Variants in CAMSAP2 observed in about 807,000 individuals in gnomAD.
The protein encoded by CAMSAP2 is calmodulin regulated spectrin associated protein family member 2.
CAMSAP2 carries 26 observed loss-of-function variants against 146.1 expected under a neutral mutation model. The observed-to-expected ratio is 0.18, with a 90% CI of 0.13 to 0.25. CAMSAP2 has a LOEUF of 0.25. Among genes scored for constraint, CAMSAP2 ranks in the 10% least tolerant of loss-of-function variants. The pLI is 1.00. For synonymous variants in CAMSAP2, 499 were observed against 596.6 expected (o/e 0.84, Z 2.38); for missense variants, 1,381 against 1,759.3 (o/e 0.78, Z 3.85).
chr1:200,763,736 C>T (rs527598852), intron 2 of CAMSAP2, among the ~76,000 whole-genome samples: 6 of 152,254 alleles, frequency 3.9e-5, no homozygotes, highest in Admixed American at 1.3e-4. Flanking sequence ...CTGAAACCTG[C>T]GTGAGAAAAT....
At chr1:200,780,741 G>A (rs959227073) in intron 2 of CAMSAP2, among the ~76,000 whole-genome samples, 4 of 152,218 alleles carry the variant, frequency 2.6e-5, no homozygotes, top group Admixed American at 2.0e-4. Flanking sequence ...TGCTGTTTGA[G>A]TATCTGCCAT....
In CAMSAP2 at chr1:200,832,511, A is replaced by G. The variant is rs191849409; in HGVS notation, c.787+170A>G. ...TTTTTTTTAAAAATAAAGAACATTT[A>G]TATATAATTCTGAGGGAGGTAGTTC... On this transcript the variant is annotated intron_variant, in intron 5 of 16. Transcript: ENST00000358823. The surrounding 1 kb of genome is among the most constrained non-coding windows in gnomAD (Gnocchi z 4.2). Among the ~76,000 whole-genome samples, 32 of 152,290 alleles carry G rather than the reference A, an allele frequency of 2.1e-4. No individual in the cohort carries two copies. Among genetic ancestry groups the G allele is most frequent in the Admixed American group, 1.6e-3 (25 of 15,294 alleles).
rs1558190672 is a variant in CAMSAP2 at position 200,816,711 on chromosome 1, TATACACACGCACATATATGTGTGTAC to T, written c.645+1069_645+1094del. On this transcript the variant is annotated intron_variant, in intron 4 of 16. Coordinates refer to ENST00000358823, the MANE Select transcript of CAMSAP2 (RefSeq NM_203459.4). ...GTACATGCACACATATATGTGTATA[TATACACACGCACATATATGTGTGTAC>T]ACACACACGCGTGTATATATGTGTG... 5.6e-4 allele frequency among the ~76,000 whole-genome samples: 66 copies of T among 117,000 alleles called. 7 individuals carry two copies. The highest frequency in any genetic ancestry group is 2.0e-3 in the African/African-American group (66 of 33,294). 76.8% of individuals were successfully genotyped at this position (117,000 alleles called of 152,430 possible).
intron 2 of CAMSAP2, among the ~76,000 whole-genome samples, chr1:200,781,647 T>C (rs1055760606): frequency 2.6e-5 from 4 of 152,096 alleles, no homozygotes; most frequent in Non-Finnish European, 5.9e-5. Context: ...GCTCAGGTGA[T>C]CCTCCTACCT....
chr1:200,777,734 G>T (rs929158701), intron 2 of CAMSAP2, among the ~76,000 whole-genome samples: 1 of 152,084 alleles, frequency 6.6e-6, no homozygotes, highest in African/African-American at 2.4e-5. Flanking sequence ...TATGCTATAT[G>T]TGCATATATT....
intron 2 of CAMSAP2, among the ~76,000 whole-genome samples, chr1:200,790,919 A>G (rs1344565946): frequency 6.6e-6 from 1 of 151,866 alleles, no homozygotes; most frequent in East Asian, 1.9e-4. Flanking sequence ...ATCTTGGCTC[A>G]CTGTAACCTC....
At position 200,857,118 on chromosome 1, in the gene CAMSAP2, C is replaced by T. The variant is rs951813412; in HGVS notation, c.4013-188C>T. Among the ~76,000 whole-genome samples the T allele has an allele frequency of 2.0e-5, 3 of 152,140 alleles. No individual in the cohort carries two copies. The highest frequency in any genetic ancestry group is 4.4e-5 in the Non-Finnish European group (3 of 68,022). On this transcript the variant is annotated intron_variant, in intron 15 of 16. Coordinates refer to ENST00000358823, the MANE Select transcript of CAMSAP2 (RefSeq NM_203459.4). The surrounding 1 kb of genome is among the most constrained non-coding windows in gnomAD (Gnocchi z 4.7). ...TACTCCAAAAGGCCATAGGAACATC[C>T]TCCATATCTCTGGGTGGATAAAACA...
At chr1:200,806,765 GTATCTATCTATCTA>G (rs1336640392) in intron 2 of CAMSAP2, among the ~76,000 whole-genome samples, 23 of 140,224 alleles carry the variant, frequency 1.6e-4, no homozygotes, top group Admixed American at 5.2e-4. Context: ...GTGTGTGTGT[GTATCTATCTATCTA>G]TCTATCTATC....
chr1:200,740,732 G>A (rs1184148439), intron 1 of CAMSAP2, among the ~76,000 whole-genome samples: 1 of 152,138 alleles, frequency 6.6e-6, no homozygotes, highest in Non-Finnish European at 1.5e-5. Flanking sequence ...TAGTACAGTA[G>A]CAGTTAAACA....
At chr1:200,772,819 T>C (rs1324843299) in intron 2 of CAMSAP2, among the ~76,000 whole-genome samples, 1 of 152,200 alleles carries the variant, frequency 6.6e-6, no homozygotes, top group East Asian at 1.9e-4. Flanking sequence ...GTACATACTC[T>C]TACTTCCTTG....
At position 200,849,242 on chromosome 1, in the gene CAMSAP2, A is replaced by C. The variant is rs748598268; in HGVS notation, c.2473A>C (p.Lys825Gln). 5 of 1,613,934 alleles carry C rather than the reference A, an allele frequency of 3.1e-6. No individual in the cohort carries two copies. The highest frequency in any genetic ancestry group is 4.2e-6 in the Non-Finnish European group (5 of 1,180,002). ...TCGAGCAAAAGAAAAGGAATCACAA[A>C]AAACTGATGGACAAAGGAGCAAGTC... ...TDRAKEKESQ[K>Q]TDGQRSKSLA... The change falls in exon 11 of 17, where the codon AAA becomes CAA. Residue 825 changes from lysine (K) to glutamine (Q), a missense_variant. Lys to Gln is a moderately conservative substitution (Grantham distance 53). Transcript: ENST00000358823. The surrounding 1 kb of genome is among the most constrained non-coding windows in gnomAD (Gnocchi z 6.3).
At chr1:200,798,971 T>G (rs1347458698) in intron 2 of CAMSAP2, among the ~76,000 whole-genome samples, 3 of 152,092 alleles carry the variant, frequency 2.0e-5, no homozygotes, top group East Asian at 1.9e-4. Flanking sequence ...GGATTACATT[T>G]ATTGATTTGC....
At chr1:200,795,597 A>G (rs547723399) in intron 2 of CAMSAP2, among the ~76,000 whole-genome samples, 17 of 152,320 alleles carry the variant, frequency 1.1e-4, no homozygotes, top group African/African-American at 3.6e-4. Flanking sequence ...CAGGAGACAT[A>G]TCTTTCATCT....
chr1:200,827,924 C>A (rs1034650947), intron 4 of CAMSAP2, among the ~76,000 whole-genome samples: 9 of 152,072 alleles, frequency 5.9e-5, no homozygotes, highest in African/African-American at 2.2e-4. Context: ...TTCTTTGGGA[C>A]AGCCCTAGAT....
intron 4 of CAMSAP2, among the ~76,000 whole-genome samples, chr1:200,817,132 ATG>A (rs750584102): frequency 5.6e-4 from 79 of 140,572 alleles, no homozygotes; most frequent in African/African-American, 1.5e-3. Flanking sequence ...ACACGTATAT[ATG>A]TGTATATATA....
In CAMSAP2 at chr1:200,765,618, A is replaced by G. The variant is rs565841803; in HGVS notation, c.399+4520A>G. ...AAATCTAATGAGGAAGAAAACTGGG[A>G]AAAAAAACTAGACAGTATGAAATAA... On this transcript the variant is annotated intron_variant, in intron 2 of 16. Transcript: ENST00000358823. Among the ~76,000 whole-genome samples, 9 of 152,110 alleles carry G rather than the reference A, an allele frequency of 5.9e-5. No homozygotes were observed. In the East Asian group the frequency reaches 1.5e-3, roughly 26 times the overall value.
chr1:200,827,170 T>C (rs779134265), intron 4 of CAMSAP2, among the ~76,000 whole-genome samples: 32 of 152,338 alleles, frequency 2.1e-4, no homozygotes, highest in Admixed American at 9.1e-4. Flanking sequence ...AGAAGATTGC[T>C]GTTACCAGTT....
At chr1:200,791,694 A>G (rs1665757496) in intron 2 of CAMSAP2, among the ~76,000 whole-genome samples, 1 of 152,136 alleles carries the variant, frequency 6.6e-6, no homozygotes, top group Non-Finnish European at 1.5e-5. Context: ...TGTGATTGTT[A>G]TTCTTTTCCT....
intron 3 of CAMSAP2, among the ~76,000 whole-genome samples, chr1:200,813,661 T>A (rs1238934257): frequency 6.6e-6 from 1 of 152,204 alleles, no homozygotes; most frequent in East Asian, 1.9e-4. Flanking sequence ...ACCACTTTGC[T>A]TTTTGGACAG....
Sources: allele counts gnomAD v4.1 joint callset (sites outside exome capture counted in the v4.1 genomes callset), GRCh38; gene constraint gnomAD v4.1.1; non-coding constraint Gnocchi (gnomAD v3.1); transcripts MANE v1.5; gene names NCBI Gene and HGNC (gene_info 2026-07-23, HGNC 2026-07-21).